Variants in SAMSN1 observed in about 807,000 individuals in gnomAD.
The protein encoded by SAMSN1 is SAM domain-containing protein SAMSN-1.
In SAMSN1, 31 loss-of-function variants were observed where a neutral mutation model predicts 42.0. That is an observed-to-expected ratio of 0.74 (90% CI 0.55 to 1.00). SAMSN1 has a LOEUF of 1.00. Ranked by LOEUF, SAMSN1 falls within the 50% of genes least tolerant of loss-of-function variation. The pLI, the probability that SAMSN1 is intolerant of heterozygous loss-of-function variation, is 0.00. For synonymous variants in SAMSN1, 178 were observed against 151.9 expected (o/e 1.17, Z -1.26); for missense variants, 464 against 439.4 (o/e 1.06, Z -0.50).
At chr21:14,585,194 C>T (rs769874214), upstream of SAMSN1, among the ~76,000 whole-genome samples, 1 of 152,150 alleles carries the variant, frequency 6.6e-6, no homozygotes, top group Non-Finnish European at 1.5e-5. Flanking sequence ...TGTATTATTT[C>T]TCAGTGTTTC....
At position 14,622,709 on chromosome 21, in the gene SAMSN1, A is replaced by C. The variant is rs554690883; in HGVS notation, c.157-6693T>G. On this transcript the variant is annotated intron_variant, in intron 2 of 15. Coordinates refer to the SAMSN1 transcript ENST00000647101. ...GGAAAACACTCTGCAGGATATTATC[A>C]AGGAGAACTTCCCCAACCTAGCAAG... is the stretch of plus-strand genomic sequence containing the variant. 8.8e-3 allele frequency among the ~76,000 whole-genome samples: 1,340 copies of C among 152,290 alleles called. 52 individuals carry two copies. Among genetic ancestry groups the C allele is most frequent in the Admixed American group, 0.062 (946 of 15,286 alleles).
chr21:14,517,192 C>T, intron 2 of SAMSN1, 151 bp from the exon 3 acceptor site: 1 of 669,374 alleles, frequency 1.5e-6, no homozygotes, highest in South Asian at 2.5e-5. Context: ...GGACATAACA[C>T]ATATTTTTAA....
Position 14,581,344 on chromosome 21 carries a change from CTTTTTTTTTTTTTTT to C in SAMSN1, c.261+777_261+791del, listed in dbSNP as rs56728511. Among the ~76,000 whole-genome samples the C allele has an allele frequency of 6.4e-4, 21 of 32,592 alleles. No homozygotes were observed. In the Admixed American group the frequency reaches 7.4e-3, roughly 11 times the overall value. 21.4% of individuals were successfully genotyped at this position (32,592 alleles called of 152,430 possible). On this transcript the variant is annotated intron_variant, in intron 2 of 8. Transcript: ENST00000285670. ...TGTAAAATGAGGGGAAATAATATTT[CTTTTTTTTTTTTTTT>C]TTTTTTTTTTTTTTTTTGAGGACGA... is the stretch of plus-strand genomic sequence containing the variant.
intron 7 of SAMSN1, among the ~76,000 whole-genome samples, chr21:14,487,506 T>C (rs1002548299): frequency 2.0e-5 from 3 of 152,196 alleles, no homozygotes; most frequent in African/African-American, 7.2e-5. Flanking sequence ...TTAACTTCTC[T>C]TTAATGTTTA....
At chr21:14,564,950 G>C (rs1311895693) in intron 2 of SAMSN1, among the ~76,000 whole-genome samples, 1 of 152,010 alleles carries the variant, frequency 6.6e-6, no homozygotes, top group Non-Finnish European at 1.5e-5. Flanking sequence ...ATTGAGCAGA[G>C]GGGCAACAAA....
In SAMSN1 at chr21:14,510,399, C is replaced by T; in HGVS notation, c.472G>A (p.Gly158Ser). 4 of 1,614,178 alleles carry T rather than the reference C, an allele frequency of 2.5e-6. No individual in the cohort carries two copies. The highest frequency in any genetic ancestry group is 3.4e-6 in the Non-Finnish European group (4 of 1,180,010). The change falls in exon 5 of 8, where the codon GGC becomes AGC. Residue 158 changes from glycine to serine, a missense_variant. Transcript: ENST00000400566. ...NRDSFRLDDDGPYSGPFCGRA... is the reference protein window; with the variant it reads ...NRDSFRLDDDSPYSGPFCGRA... ...CCACAGAATGGTCCTGAATAGGGGC[C>T]ATCGTCATCCAGTCGAAAGCTGTCC...
intron 6 of SAMSN1, among the ~76,000 whole-genome samples, chr21:14,601,365 A>C (rs938317510): frequency 5.9e-5 from 9 of 152,150 alleles, no homozygotes; most frequent in Non-Finnish European, 1.2e-4. Flanking sequence ...CCCCTTCCTC[A>C]CCAAATCAGC....
intron 1 of SAMSN1, among the ~76,000 whole-genome samples, chr21:14,648,102 A>G (rs1459367788): frequency 6.6e-6 from 1 of 151,240 alleles, no homozygotes; most frequent in African/African-American, 2.4e-5. Flanking sequence ...TTGCCCATTC[A>G]GTATGATATT....
intron 2 of SAMSN1, among the ~76,000 whole-genome samples, chr21:14,580,906 G>A (rs1289112727): frequency 1.3e-5 from 2 of 152,100 alleles, no homozygotes; most frequent in Non-Finnish European, 2.9e-5. Flanking sequence ...CAGAGGAGCT[G>A]TAGGTAAAGT....
intron 2 of SAMSN1, among the ~76,000 whole-genome samples, chr21:14,619,945 T>C (rs1982957010): frequency 6.7e-6 from 1 of 148,766 alleles, no homozygotes; most frequent in Non-Finnish European, 1.5e-5. Flanking sequence ...ATACCTGTCA[T>C]TTGAGAGCCT....
chr21:14,648,548 A>G (rs1292570), intron 1 of SAMSN1, among the ~76,000 whole-genome samples: 67,028 of 151,976 alleles, frequency 0.44, 17,245 homozygotes, highest in Non-Finnish European at 0.57. Context: ...TCCAGAATCT[A>G]CAATGAACTC....
At chr21:14,508,268 A>T (rs913963523) in intron 5 of SAMSN1, among the ~76,000 whole-genome samples, 7 of 152,206 alleles carry the variant, frequency 4.6e-5, no homozygotes, top group Non-Finnish European at 1.0e-4. Context: ...GAGCAAACAG[A>T]CAACCCACAG....
At chr21:14,538,681 T>A (rs1177947380) in intron 1 of SAMSN1, among the ~76,000 whole-genome samples, 1 of 152,146 alleles carries the variant, frequency 6.6e-6, no homozygotes, top group Non-Finnish European at 1.5e-5. Flanking sequence ...GAGCATAAAT[T>A]TGCACAGCAG....
upstream of SAMSN1, among the ~76,000 whole-genome samples, chr21:14,546,984 C>G (rs1042809288): frequency 6.6e-6 from 1 of 152,026 alleles, no homozygotes; most frequent in African/African-American, 2.4e-5. Flanking sequence ...GCTAGGATTA[C>G]AGGCATGGTA....
chr21:14,569,193 G>A (rs1283340323), intron 2 of SAMSN1, among the ~76,000 whole-genome samples: 1 of 152,080 alleles, frequency 6.6e-6, no homozygotes, highest in Non-Finnish European at 1.5e-5. Flanking sequence ...TACTTGGGAG[G>A]CTGAGGTGGG....
At chr21:14,574,143 A>G (rs1008961335) in intron 2 of SAMSN1, among the ~76,000 whole-genome samples, 3 of 152,118 alleles carry the variant, frequency 2.0e-5, no homozygotes, top group African/African-American at 7.2e-5. Flanking sequence ...GAGAGGCTCT[A>G]AGTAAAAAGG....
chr21:14,552,489 C>T (rs886833861), intron 2 of SAMSN1, among the ~76,000 whole-genome samples: 3 of 152,048 alleles, frequency 2.0e-5, no homozygotes, highest in Non-Finnish European at 4.4e-5. Flanking sequence ...AGAGACATCC[C>T]TTCACTCCCA....
intron 2 of SAMSN1, among the ~76,000 whole-genome samples, chr21:14,635,221 C>T (rs187130275): frequency 1.3e-5 from 2 of 152,226 alleles, no homozygotes; most frequent in East Asian, 1.9e-4. Context: ...AGGACAAACA[C>T]CTAATGTATG....
chr21:14,652,090 C>T (rs1252400271), intron 1 of SAMSN1, among the ~76,000 whole-genome samples: 1 of 82,408 alleles, frequency 1.2e-5, no homozygotes, highest in Non-Finnish European at 3.2e-5. Flanking sequence ...GATTGAAAGA[C>T]AATTTTGTTA....
Sources: gnomAD v4.1 joint callset for allele counts (sites outside exome capture counted in the v4.1 genomes callset) on GRCh38, gnomAD v4.1.1 for gene constraint, MANE v1.5 for transcripts, NCBI Gene and HGNC (gene_info 2026-07-23, HGNC 2026-07-21) for gene names.